Variants in ADGRA3 observed in about 807,000 individuals in gnomAD.
ADGRA3 encodes adhesion G protein-coupled receptor A3, also known as G-protein coupled receptor 125.
ADGRA3 carries 56 observed loss-of-function variants against 119.8 expected under a neutral mutation model. The ratio of observed to expected loss-of-function variants is 0.47; its 90% CI spans 0.38 to 0.58. The LOEUF (loss-of-function observed/expected upper bound fraction) is 0.58, where lower values mean the gene tolerates loss of function less well. Ranked by LOEUF, ADGRA3 falls within the 20% of genes least tolerant of loss-of-function variation. ADGRA3 has a pLI of 0.00. For missense variants in ADGRA3, 1,516 were observed against 1,649.0 expected, an observed-to-expected ratio of 0.92 and a Z score of 1.40; for synonymous variants, 607 against 623.8, an observed-to-expected ratio of 0.97 and a Z score of 0.40.
At chr4:22,450,286 C>G (rs1171242063) in intron 4 of ADGRA3, among the ~76,000 whole-genome samples, 1 of 146,976 alleles carries the variant, frequency 6.8e-6, no homozygotes, top group Non-Finnish European at 1.5e-5. Flanking sequence ...TTTTTTGAGA[C>G]AAGTCTCACT....
intron 1 of ADGRA3, among the ~76,000 whole-genome samples, chr4:22,498,642 G>A (rs1421900819): frequency 6.6e-6 from 1 of 151,916 alleles, no homozygotes; most frequent in Non-Finnish European, 1.5e-5. Context: ...AGGGCCAGGC[G>A]CGGTGGCTCA....
intron 11 of ADGRA3, among the ~76,000 whole-genome samples, chr4:22,421,853 C>T (rs12506504): frequency 0.68 from 92,641 of 136,768 alleles, 32,360 homozygotes; most frequent in Non-Finnish European, 0.77. Flanking sequence ...AGCACTCCAG[C>T]CTGGACAACA....
intron 18 of ADGRA3, 36 bp from the exon 19 acceptor site, chr4:22,388,983 A>G (rs756182925): frequency 1.9e-6 from 3 of 1,605,890 alleles, no homozygotes; most frequent in Non-Finnish European, 2.6e-6. Context: ...TCGATGCTAC[A>G]TGTTTCAACA....
intron 14 of ADGRA3, 73 bp downstream of exon 14, chr4:22,413,106 ACAC>A: frequency 8.7e-7 from 1 of 1,144,648 alleles, no homozygotes; most frequent in African/African-American, 1.6e-5. Context: ...AAACAAAAAA[ACAC>A]TTCATTTGAG....
intron 1 of ADGRA3, among the ~76,000 whole-genome samples, chr4:22,476,348 T>A (rs1199606838): frequency 6.6e-6 from 1 of 152,152 alleles, no homozygotes; most frequent in Admixed American, 6.5e-5. Context: ...AGCGACTTTA[T>A]GTCAGCATGA....
chr4:22,479,238 C>A (rs10938901), intron 1 of ADGRA3, among the ~76,000 whole-genome samples: 1 of 151,808 alleles, frequency 6.6e-6, no homozygotes, highest in African/African-American at 2.4e-5. Context: ...CCGAGGCGGG[C>A]GGATCATGAG....
intron 1 of ADGRA3, among the ~76,000 whole-genome samples, chr4:22,513,867 A>AAAAAAC (rs1719545831): frequency 6.6e-6 from 1 of 151,186 alleles, no homozygotes; most frequent in African/African-American, 2.4e-5. Flanking sequence ...AAAAAAAAAA[A>AAAAAAC]AAAAAAACTG....
intron 1 of ADGRA3, among the ~76,000 whole-genome samples, chr4:22,494,544 C>T (rs1275376301): frequency 6.6e-6 from 1 of 151,874 alleles, no homozygotes; most frequent in African/African-American, 2.4e-5. Context: ...TGGATTGGGA[C>T]CTCTTTCCTG....
chr4:22,413,373 T>C lies in ADGRA3; in HGVS notation c.2041A>G (p.Thr681Ala). The change falls in exon 14 of 19, where the codon ACC becomes GCC. Residue 681 changes from threonine to alanine, a missense_variant. Thr to Ala is a moderately conservative substitution (Grantham distance 58, BLOSUM62 0). This residue lies in a region of ADGRA3 where 1,088 missense variants were observed against 1,107.1 expected (regional missense o/e 0.98). Transcript: ENST00000334304. ...LTKIDGVNVD[T>A]HHIPVNVTLR... Reference sequence around the variant, plus strand: ...GTCACATTAACAGGGATGTGGTGGGTATCTACATTCACACCATCTGGAGAA... The same window carrying C: ...GTCACATTAACAGGGATGTGGTGGGCATCTACATTCACACCATCTGGAGAA... 6.2e-7 allele frequency: 1 copy of C among 1,612,518 alleles called. No homozygotes were observed. The highest frequency in any genetic ancestry group is 2.2e-5 in the East Asian group (1 of 44,866).
intron 11 of ADGRA3, among the ~76,000 whole-genome samples, chr4:22,421,731 T>A (rs141858535): frequency 0.017 from 2,539 of 151,898 alleles, 29 homozygotes; most frequent in Middle Eastern, 0.079. Context: ...ATACAAAAAA[T>A]TAGCCTGGCA....
intron 2 of ADGRA3, among the ~76,000 whole-genome samples, chr4:22,462,416 C>T (rs1717500676): frequency 6.6e-6 from 1 of 152,106 alleles, no homozygotes; most frequent in African/African-American, 2.4e-5. Context: ...CAGGCTCAAG[C>T]AATTCTCGTG....
rs1170021791 is a variant in ADGRA3, at chr4:22,515,596, C to G, written c.189G>C (p.Val63=). Residue 63 remains valine, a synonymous_variant, in exon 1 of 19, where the codon GTG becomes GTC. Coordinates refer to ENST00000334304, the MANE Select transcript of ADGRA3 (RefSeq NM_145290.4). ...GRAAGAAEGK[V]VCSSLELAQV... Reference sequence around the variant, plus strand: ...GCGCGAGTTCCAGGCTGCTGCACACCACCTTGCCCTCGGCGGCGCCCGCCG... The same window carrying G: ...GCGCGAGTTCCAGGCTGCTGCACACGACCTTGCCCTCGGCGGCGCCCGCCG... 1 of 1,568,996 alleles carries G rather than the reference C, an allele frequency of 6.4e-7. No individual in the cohort carries two copies.
intron 17 of ADGRA3, among the ~76,000 whole-genome samples, chr4:22,390,538 G>A (rs140873731): frequency 1.7e-3 from 254 of 151,258 alleles, no homozygotes; most frequent in African/African-American, 5.9e-3. Context: ...TGCCAACGCT[G>A]GTACCACCAC....
At chr4:22,431,383 C>T (rs1049350855) in intron 10 of ADGRA3, among the ~76,000 whole-genome samples, 10 of 152,162 alleles carry the variant, frequency 6.6e-5, no homozygotes, top group African/African-American at 2.2e-4. Context: ...GGGAGCTGTA[C>T]CCTGCAAAGC....
chr4:22,501,562 C>T (rs548425035), intron 1 of ADGRA3, among the ~76,000 whole-genome samples: 1 of 152,110 alleles, frequency 6.6e-6, no homozygotes, highest in Admixed American at 6.6e-5. Context: ...TTACCAGTCA[C>T]GGAGGGAGCC....
intron 12 of ADGRA3, among the ~76,000 whole-genome samples, chr4:22,418,541 G>A (rs1294513125): frequency 6.6e-6 from 1 of 152,122 alleles, no homozygotes. Context: ...GTAGGGAGAG[G>A]AACCAAGGAA....
chr4:22,392,704 C>G lies in ADGRA3; in HGVS notation c.2482-14G>C, dbSNP rs767833342. 6.3e-7 allele frequency: 1 copy of G among 1,590,384 alleles called. No individual in the cohort carries two copies. The highest frequency in any genetic ancestry group is 1.2e-5 in the South Asian group (1 of 86,080). ...AATTATCCCAACCTACAAGGAAGAT[C>G]AAAGAATAAATAAAAGAAAAAAAAT... is the stretch of plus-strand genomic sequence containing the variant. On this transcript the variant is annotated splice_polypyrimidine_tract_variant and intron_variant, in intron 16 of 18. Transcript: ENST00000334304.
At chr4:22,508,624 G>C (rs1303020626) in intron 1 of ADGRA3, among the ~76,000 whole-genome samples, 1 of 152,188 alleles carries the variant, frequency 6.6e-6, no homozygotes, top group East Asian at 1.9e-4. Context: ...GTGGCGTCTT[G>C]CTGGCCTACA....
At chr4:22,397,877 C>T (rs1179228938) in intron 16 of ADGRA3, 1 of 162,736 alleles carries the variant, frequency 6.1e-6, no homozygotes, top group East Asian at 1.9e-4. Flanking sequence ...TATAAATTAC[C>T]CAGTCTCGGG....
Sources: gnomAD v4.1 joint callset for allele counts (sites outside exome capture counted in the v4.1 genomes callset) on GRCh38, gnomAD v4.1.1 for gene constraint, gnomAD v4.1.1 regional missense constraint, MANE v1.5 for transcripts, NCBI Gene and HGNC (gene_info 2026-07-23, HGNC 2026-07-21) for gene names.